Variants in SEC63 observed in about 807,000 individuals in gnomAD.
SEC63 encodes the protein SEC63 protein translocation regulator.
A neutral mutation model predicts 116.2 loss-of-function variants in SEC63; 56 were observed. That is an observed-to-expected ratio of 0.48 (90% CI 0.39 to 0.60). The LOEUF is 0.60. Ranked by LOEUF, SEC63 falls within the 20% of genes least tolerant of loss-of-function variation. The probability of loss-of-function intolerance (pLI) is 0.00; values close to 1 mark genes in which losing one functional copy is unlikely to be tolerated. For missense variants in SEC63, 668 were observed against 900.0 expected (o/e 0.74, Z 3.30); for synonymous variants, 273 against 294.6 (o/e 0.93, Z 0.75).
At chr6:107,886,200 T>C (rs1786524916) in intron 16 of SEC63, among the ~76,000 whole-genome samples, 1 of 152,234 alleles carries the variant, frequency 6.6e-6, no homozygotes, top group Non-Finnish European at 1.5e-5. Context: ...CATCCTTTTT[T>C]ATGGCTGCAT....
chr6:107,910,980 G>A (rs1165134076), intron 7 of SEC63, among the ~76,000 whole-genome samples: 1 of 151,984 alleles, frequency 6.6e-6, no homozygotes, highest in Non-Finnish European at 1.5e-5. Flanking sequence ...CAATGTGCTG[G>A]GATTACAGGA....
At chr6:107,916,348 A>T (rs1244357618) in intron 4 of SEC63, among the ~76,000 whole-genome samples, 1 of 152,264 alleles carries the variant, frequency 6.6e-6, no homozygotes, top group African/African-American at 2.4e-5. Context: ...AAAAGTCCTA[A>T]TGGCACTGCT....
chr6:107,903,450 C>T (rs558503230), intron 11 of SEC63, among the ~76,000 whole-genome samples: 75 of 151,884 alleles, frequency 4.9e-4, no homozygotes, highest in Non-Finnish European at 9.0e-4. Flanking sequence ...ACTGTAATCC[C>T]AGGGCTTTGG....
At chr6:107,949,542 C>T (rs1019345010) in intron 1 of SEC63, among the ~76,000 whole-genome samples, 1 of 152,078 alleles carries the variant, frequency 6.6e-6, no homozygotes, top group Non-Finnish European at 1.5e-5. Context: ...CAAAAAAAAT[C>T]AGCTAAACAA....
chr6:107,934,989 G>A (rs1191608043), intron 1 of SEC63, among the ~76,000 whole-genome samples: 1 of 124,294 alleles, frequency 8.0e-6, no homozygotes, highest in Non-Finnish European at 1.7e-5. Context: ...CCGGCAGGGA[G>A]GTGGGGGGGT....
At chr6:107,891,409 G>T (rs565488683) in intron 16 of SEC63, among the ~76,000 whole-genome samples, 2 of 151,952 alleles carry the variant, frequency 1.3e-5, no homozygotes, top group Admixed American at 1.3e-4. Context: ...GTGTTTTCCA[G>T]CTCCATCAGG....
chr6:107,869,239 G>A lies in SEC63; in HGVS notation c.*2465C>T, dbSNP rs558416401. 40 of 152,168 alleles carry A rather than the reference G, an allele frequency of 2.6e-4. No homozygotes were observed. Among genetic ancestry groups the A allele is most frequent in the African/African-American group, 8.9e-4 (37 of 41,516 alleles). The allele number at this position is 152,168 out of a possible 1,614,324, so 9.4% of individuals were successfully genotyped here. The stretch of plus-strand genomic sequence containing the variant: ...GAAAAATGTTTAAAAAATTCAAAAA[G>A]GACATGAACATCTAACTCTGAGATT... On this transcript the variant is annotated 3_prime_UTR_variant, in exon 21 of 21. Transcript: ENST00000369002.
chr6:107,957,774 G>A (rs1342053223), intron 1 of SEC63, 112 bp downstream of exon 1: 4 of 1,186,814 alleles, frequency 3.4e-6, no homozygotes, highest in Non-Finnish European at 4.3e-6. Flanking sequence ...GGGCCGCACC[G>A]TCCCTGTCAT....
chr6:107,876,106 G>A (rs1483626893), intron 19 of SEC63, among the ~76,000 whole-genome samples: 1 of 152,082 alleles, frequency 6.6e-6, no homozygotes, highest in Non-Finnish European at 1.5e-5. Flanking sequence ...CAGTTCCCAA[G>A]GGTAAATATG....
At chr6:107,889,378 T>C (rs1786617911) in intron 16 of SEC63, among the ~76,000 whole-genome samples, 2 of 152,214 alleles carry the variant, frequency 1.3e-5, no homozygotes, top group Admixed American at 6.5e-5. Flanking sequence ...TTTATTTATG[T>C]AGAGGTGTTT....
chr6:107,922,232 G>A (rs1270251904), intron 3 of SEC63, among the ~76,000 whole-genome samples: 2 of 152,162 alleles, frequency 1.3e-5, no homozygotes, highest in Admixed American at 1.3e-4. Context: ...TCAAAAAATA[G>A]GCCAGGCACA....
At chr6:107,903,395 C>CA (rs750531944) in intron 11 of SEC63, among the ~76,000 whole-genome samples, 1,597 of 140,984 alleles carry the variant, frequency 0.011, 18 homozygotes, top group African/African-American at 0.029. Context: ...CCTTCCATAC[C>CA]AAAAAAAAAA....
At chr6:107,943,435 T>C (rs775104187) in intron 1 of SEC63, among the ~76,000 whole-genome samples, 1 of 152,230 alleles carries the variant, frequency 6.6e-6, no homozygotes. Context: ...AATTTCTTTT[T>C]GATATTTCTA....
chr6:107,922,883 AAAGT>A (rs1448483067), intron 3 of SEC63, among the ~76,000 whole-genome samples: 1 of 152,190 alleles, frequency 6.6e-6, no homozygotes, highest in Non-Finnish European at 1.5e-5. Flanking sequence ...ACTCAAAGTA[AAAGT>A]AAGTGCCATG....
At chr6:107,945,706 T>C (rs889364293) in intron 1 of SEC63, among the ~76,000 whole-genome samples, 2 of 151,990 alleles carry the variant, frequency 1.3e-5, no homozygotes. Flanking sequence ...CTGGTAATAA[T>C]AGGAAAACAT....
intron 1 of SEC63, among the ~76,000 whole-genome samples, chr6:107,949,234 A>T (rs1168726336): frequency 1.3e-5 from 2 of 152,244 alleles, no homozygotes; most frequent in Admixed American, 1.3e-4. Flanking sequence ...GCTATAAAGG[A>T]GCAGAGTTTT....
intron 13 of SEC63, among the ~76,000 whole-genome samples, chr6:107,900,450 T>G (rs981746573): frequency 2.0e-5 from 3 of 151,986 alleles, no homozygotes; most frequent in Non-Finnish European, 1.5e-5. Flanking sequence ...GTGACCAGCC[T>G]GGGCAACATG....
At chr6:107,933,112 C>T (rs1390942977) in intron 1 of SEC63, among the ~76,000 whole-genome samples, 1 of 151,916 alleles carries the variant, frequency 6.6e-6, no homozygotes, top group East Asian at 1.9e-4. Flanking sequence ...AATGTGACAA[C>T]GGAAGCAGAT....
intron 1 of SEC63, among the ~76,000 whole-genome samples, chr6:107,931,243 G>T (rs1787799153): frequency 6.6e-6 from 1 of 151,894 alleles, no homozygotes; most frequent in South Asian, 2.1e-4. Context: ...TCAGGAGGCT[G>T]AGGCAGGAGA....
Sources: allele counts gnomAD v4.1 joint callset (sites outside exome capture counted in the v4.1 genomes callset), GRCh38; gene constraint gnomAD v4.1.1; transcripts MANE v1.5; gene names NCBI Gene and HGNC (gene_info 2026-07-23, HGNC 2026-07-21).